The following BANK1 variants were observed in gnomAD, a reference collection of about 807,000 sequenced individuals.
BANK1 encodes B-cell scaffold protein with ankyrin repeats.
In BANK1, 95 loss-of-function variants were observed where a neutral mutation model predicts 94.5. The observed-to-expected ratio is 1.00, with a 90% confidence interval of 0.85 to 1.19. The LOEUF (loss-of-function observed/expected upper bound fraction) is 1.19. Among genes scored for constraint, BANK1 ranks in the 50% most tolerant of loss-of-function variants. BANK1 has a pLI of 0.00. For synonymous variants in BANK1, 334 were observed against 308.4 expected (o/e 1.08, Z -0.87); for missense variants, 987 against 932.2 (o/e 1.06, Z -0.77).
chr4:101,893,590 G>A (rs1022150305), intron 5 of BANK1, among the ~76,000 whole-genome samples: 1 of 151,834 alleles, frequency 6.6e-6, no homozygotes, highest in African/African-American at 2.4e-5. Flanking sequence ...TTTAGCTTTA[G>A]TATAAAGTGT....
intron 1 of BANK1, among the ~76,000 whole-genome samples, chr4:101,824,168 G>A (rs1439490388): frequency 4.6e-5 from 7 of 152,186 alleles, no homozygotes; most frequent in Non-Finnish European, 7.3e-5. Flanking sequence ...ACTGCCTGAG[G>A]TTGTCTCCCT....
intron 7 of BANK1, 152 bp downstream of exon 7, chr4:101,918,341 G>A (rs2148900283): frequency 2.2e-6 from 1 of 446,466 alleles, no homozygotes; most frequent in South Asian, 9.9e-5. Context: ...TAATCGTTAG[G>A]TTGCAGAAAA....
intron 7 of BANK1, among the ~76,000 whole-genome samples, chr4:101,931,651 A>G (rs1358186717): frequency 6.6e-6 from 1 of 151,542 alleles, no homozygotes; most frequent in Non-Finnish European, 1.5e-5. Flanking sequence ...TACTCTGGTG[A>G]ACTTTGAATA....
At chr4:101,828,932 C>T (rs1453073035) in intron 1 of BANK1, among the ~76,000 whole-genome samples, 2 of 151,724 alleles carry the variant, frequency 1.3e-5, no homozygotes, top group African/African-American at 2.4e-5. Flanking sequence ...GCATAATCTC[C>T]GCTCACTGCA....
Position 101,918,118 on chromosome 4 carries a change from G to A in BANK1, c.1135G>A (p.Gly379Ser). 6.2e-7 allele frequency: 1 copy of A among 1,611,650 alleles called. No homozygotes were observed. The highest frequency in any genetic ancestry group is 8.5e-7 in the Non-Finnish European group (1 of 1,178,548). Reference protein sequence around the residue: ...TWASKMKNMEGSDPAHIAERH... With the variant: ...TWASKMKNMESSDPAHIAERH... Reference sequence around the variant, plus strand: ...GGCATCTAAGATGAAAAATATGGAGGGTTCAGACCCCGCACATATTGCTGA... The same window carrying A: ...GGCATCTAAGATGAAAAATATGGAGAGTTCAGACCCCGCACATATTGCTGA... Residue 379 changes from glycine to serine, a missense_variant, in exon 7 of 17, where the codon GGT becomes AGT. Physicochemically the swap from Gly to Ser is moderately conservative, Grantham distance 56. Transcript: ENST00000322953.
At chr4:101,881,068 A>C (rs1386572413) in intron 5 of BANK1, among the ~76,000 whole-genome samples, 2 of 152,166 alleles carry the variant, frequency 1.3e-5, no homozygotes, top group Admixed American at 1.3e-4. Flanking sequence ...AAAAACGGAC[A>C]AATATGATAA....
Position 102,030,245 on chromosome 4 carries a change from C to G in BANK1, c.1880C>G (p.Thr627Ser), listed in dbSNP as rs987910848. 2 of 1,589,836 alleles carry G rather than the reference C, an allele frequency of 1.3e-6. No individual in the cohort carries two copies. The highest frequency in any genetic ancestry group is 1.7e-6 in the Non-Finnish European group (2 of 1,173,624). Residue 627 changes from threonine (T) to serine (S), a missense_variant, in exon 10 of 17, where the codon ACT becomes AGT. Thr to Ser is a moderately conservative substitution (Grantham distance 58, BLOSUM62 1). Transcript: ENST00000322953. ...ACAAGTATACCTCCAAAAGAGGAAA[C>G]TACACCTTACATAGCTCAAGGTAAT... ...RPTSIPPKEE[T>S]TPYIAQVFQQ...
At chr4:102,003,416 T>C (rs1221157447) in intron 7 of BANK1, among the ~76,000 whole-genome samples, 3 of 152,102 alleles carry the variant, frequency 2.0e-5, no homozygotes, top group Non-Finnish European at 4.4e-5. Flanking sequence ...AATGGATTAT[T>C]CCCATGTCTG....
intron 15 of BANK1, among the ~76,000 whole-genome samples, chr4:102,072,752 A>G (rs1441691656): frequency 6.6e-6 from 1 of 152,218 alleles, no homozygotes; most frequent in Non-Finnish European, 1.5e-5. Context: ...CTTAAACTCT[A>G]GGACATTAGT....
At chr4:101,988,193 T>C (rs1219403197) in intron 7 of BANK1, among the ~76,000 whole-genome samples, 1 of 152,218 alleles carries the variant, frequency 6.6e-6, no homozygotes, top group Non-Finnish European at 1.5e-5. Context: ...AATAGTTTAA[T>C]TTTAGAATAG....
chr4:101,896,204 G>A (rs997723381), intron 6 of BANK1, among the ~76,000 whole-genome samples: 2 of 151,126 alleles, frequency 1.3e-5, no homozygotes, highest in African/African-American at 4.9e-5. Context: ...ATTTTTTTTT[G>A]TTCCTGCATA....
At chr4:101,969,300 T>C (rs997597715) in intron 7 of BANK1, among the ~76,000 whole-genome samples, 1 of 152,112 alleles carries the variant, frequency 6.6e-6, no homozygotes, top group Non-Finnish European at 1.5e-5. Context: ...GTTCATACTA[T>C]ACCATTAGCT....
At chr4:102,023,448 A>G (rs928977117) in intron 8 of BANK1, among the ~76,000 whole-genome samples, 1 of 152,228 alleles carries the variant, frequency 6.6e-6, no homozygotes, top group Non-Finnish European at 1.5e-5. Context: ...TGACTGTAAT[A>G]ATAAAACATT....
At chr4:101,984,438 G>T (rs1725419401) in intron 7 of BANK1, among the ~76,000 whole-genome samples, 2 of 152,008 alleles carry the variant, frequency 1.3e-5, no homozygotes, top group Admixed American at 1.3e-4. Context: ...TTGTTTTGAT[G>T]AAGATTTTCT....
intron 2 of BANK1, among the ~76,000 whole-genome samples, chr4:101,850,249 TTTTGTTTG>T (rs545693313): frequency 1.2e-4 from 19 of 152,154 alleles, no homozygotes; most frequent in Admixed American, 2.6e-4. Context: ...TTGGGTGTCT[TTTTGTTTG>T]TTTGTTTGTT....
At chr4:102,052,122 T>C (rs1221061856) in intron 11 of BANK1, among the ~76,000 whole-genome samples, 4 of 85,500 alleles carry the variant, frequency 4.7e-5, no homozygotes, top group Admixed American at 4.4e-4. Context: ...TCTTTTTTTT[T>C]TTTTTTTTTT....
At chr4:101,839,531 C>T (rs748357366) in intron 2 of BANK1, among the ~76,000 whole-genome samples, 1 of 152,126 alleles carries the variant, frequency 6.6e-6, no homozygotes, top group South Asian at 2.1e-4. Context: ...GAAGCTTACT[C>T]TTATTCAACA....
chr4:102,028,439 G>T (rs1396046865), intron 9 of BANK1, among the ~76,000 whole-genome samples: 1 of 152,176 alleles, frequency 6.6e-6, no homozygotes, highest in Non-Finnish European at 1.5e-5. Flanking sequence ...TCTGTTGGGA[G>T]ATTATCTTAA....
Position 102,021,526 on chromosome 4 carries a change from G to A in BANK1, c.1219G>A (p.Asp407Asn). 6.9e-7 allele frequency: 1 copy of A among 1,438,910 alleles called. No homozygotes were observed. The highest frequency in any genetic ancestry group is 9.4e-7 in the Non-Finnish European group (1 of 1,063,556). The allele number at this position is 1,438,910 out of a possible 1,614,324, so 89.1% of individuals were successfully genotyped here. A position where few individuals can be genotyped will look rare whatever the true frequency, so the allele number is the denominator to read the frequency against. ...IFEDFSIQEI[D>N]INNEQENDYE... ...ACATTTTTTTCAGATCCAAGAAATT[G>A]ACATAAATAATGAGCAAGAAAATGA... Residue 407 changes from aspartate to asparagine, a missense_variant, in exon 8 of 17, where the codon GAC becomes AAC. Transcript: ENST00000322953.
Sources: allele counts gnomAD v4.1 joint callset (sites outside exome capture counted in the v4.1 genomes callset), GRCh38; gene constraint gnomAD v4.1.1; transcripts MANE v1.5; gene names NCBI Gene and HGNC (gene_info 2026-07-23, HGNC 2026-07-21).